Variants in HCK observed in about 807,000 individuals in gnomAD.
HCK encodes tyrosine-protein kinase HCK.
A neutral mutation model predicts 70.4 loss-of-function variants in HCK; 40 were observed. The ratio of observed to expected loss-of-function variants is 0.57; its 90% CI spans 0.44 to 0.74. HCK has a LOEUF of 0.74. Among genes scored for constraint, HCK ranks in the 30% least tolerant of loss-of-function variants. HCK has a pLI of 0.00. For missense variants in HCK, 568 were observed against 697.2 expected (o/e 0.81, Z 2.09); for synonymous variants, 245 against 263.2 (o/e 0.93, Z 0.67).
intron 6 of HCK, among the ~76,000 whole-genome samples, chr20:32,080,617 C>T (rs1295280301): frequency 6.6e-6 from 1 of 152,190 alleles, no homozygotes; most frequent in African/African-American, 2.4e-5. Flanking sequence ...TCTCAGTCTC[C>T]CGAGTAGCTG....
In HCK at chr20:32,092,242, T is replaced by C. The variant is rs368094209; in HGVS notation, c.1093-1621T>C. On this transcript the variant is annotated intron_variant, in intron 10 of 12. Coordinates refer to ENST00000375852, the MANE Select transcript of HCK (RefSeq NM_002110.5). ...TTTAGAGGCAGCAGGATGCACTGGA[T>C]TGGGAGTCCTCAGACTGGTTTGAGC... Among the ~76,000 whole-genome samples, 9 of 152,268 alleles carry C rather than the reference T, an allele frequency of 5.9e-5. No individual in the cohort carries two copies. The South Asian group carries it at 1.9e-3, about 32-fold the overall frequency.
intron 6 of HCK, among the ~76,000 whole-genome samples, chr20:32,080,241 C>CA (rs1178406161): frequency 1.3e-5 from 2 of 152,202 alleles, no homozygotes; most frequent in African/African-American, 4.8e-5. Context: ...ACTCTGTCGC[C>CA]AGGCTGGAGT....
At chr20:32,055,571 T>C (rs1264298628) in intron 1 of HCK, among the ~76,000 whole-genome samples, 2 of 152,254 alleles carry the variant, frequency 1.3e-5, no homozygotes, top group Non-Finnish European at 2.9e-5. Context: ...GGCTGCATAA[T>C]ATTCCACTGT....
rs1036309291 is a variant in HCK at position 32,068,876 on chromosome 20, C to T, written c.63-2786C>T. ...GGAGGATCACTTGATCCTGGGAGGT[C>T]GAGGTTGCAGTAAGCTATGATTACA... On this transcript the variant is annotated intron_variant, in intron 1 of 12. Coordinates refer to ENST00000375852, the MANE Select transcript of HCK (RefSeq NM_002110.5). Among the ~76,000 whole-genome samples, 3 of 151,956 alleles carry T rather than the reference C, an allele frequency of 2.0e-5. No homozygotes were observed. In the South Asian group the frequency reaches 6.2e-4, roughly 31 times the overall value.
chr20:32,057,068 G>A (rs2045283668), intron 1 of HCK, among the ~76,000 whole-genome samples: 1 of 152,144 alleles, frequency 6.6e-6, no homozygotes, highest in Non-Finnish European at 1.5e-5. Flanking sequence ...CTGGATTTCT[G>A]TCTCCTAAAA....
At chr20:32,078,875 AAAAAG>A (rs1418248197) in intron 5 of HCK, among the ~76,000 whole-genome samples, 65 of 150,940 alleles carry the variant, frequency 4.3e-4, no homozygotes, top group African/African-American at 1.6e-3. Flanking sequence ...AAAAAAAAAA[AAAAAG>A]GGGGGGAATG....
chr20:32,057,656 G>C (rs2122457382), intron 1 of HCK, among the ~76,000 whole-genome samples: 1 of 152,304 alleles, frequency 6.6e-6, no homozygotes, highest in East Asian at 1.9e-4. Context: ...CTTTCCCAAA[G>C]TCACACAGCA....
intron 4 of HCK, among the ~76,000 whole-genome samples, chr20:32,074,329 G>A (rs1456633128): frequency 6.6e-6 from 1 of 152,138 alleles, no homozygotes; most frequent in African/African-American, 2.4e-5. Flanking sequence ...CCTGCCATGG[G>A]TATAGCTAAT....
chr20:32,095,676 G>A (rs555807509), intron 11 of HCK, among the ~76,000 whole-genome samples: 1 of 152,228 alleles, frequency 6.6e-6, no homozygotes, highest in East Asian at 1.9e-4. Flanking sequence ...TGTGATGAAA[G>A]TATTCTAAAA....
intron 5 of HCK, among the ~76,000 whole-genome samples, chr20:32,076,336 C>A (rs1373311572): frequency 2.6e-5 from 4 of 151,586 alleles, no homozygotes; most frequent in African/African-American, 4.9e-5. Context: ...CAAAAAAAAA[C>A]AATTATGTCA....
chr20:32,079,337 G>A (rs2045675499), intron 5 of HCK, among the ~76,000 whole-genome samples: 1 of 152,130 alleles, frequency 6.6e-6, no homozygotes, highest in African/African-American at 2.4e-5. Context: ...TCTTCCCCGT[G>A]GTCTTGTATG....
chr20:32,062,500 G>A (rs6058523), intron 1 of HCK, among the ~76,000 whole-genome samples: 116,641 of 152,064 alleles, frequency 0.77, 44,968 homozygotes, highest in East Asian at 1. Flanking sequence ...CTCAGAGCCA[G>A]CCCTATGGCT....
chr20:32,100,730 C>T (rs1483296597), intron 12 of HCK, among the ~76,000 whole-genome samples: 1 of 152,164 alleles, frequency 6.6e-6, no homozygotes, highest in Non-Finnish European at 1.5e-5. Flanking sequence ...AATGGTCCCA[C>T]CCATAGGTTA....
chr20:32,063,893 T>G (rs1389778012), intron 1 of HCK, among the ~76,000 whole-genome samples: 1 of 151,816 alleles, frequency 6.6e-6, no homozygotes, highest in East Asian at 1.9e-4. Context: ...ATTTCTCTAT[T>G]TCTTGGGTTT....
intron 1 of HCK, among the ~76,000 whole-genome samples, chr20:32,058,714 CA>C (rs1245855508): frequency 6.6e-6 from 1 of 151,838 alleles, no homozygotes; most frequent in Admixed American, 6.6e-5. Context: ...GGCAAGGTTT[CA>C]AATGCAAATA....
intron 5 of HCK, among the ~76,000 whole-genome samples, chr20:32,077,906 CTTAAG>C (rs2045650490): frequency 6.6e-6 from 1 of 152,184 alleles, no homozygotes; most frequent in Non-Finnish European, 1.5e-5. Flanking sequence ...ACAGTGGTCA[CTTAAG>C]TTGTTTCCAG....
intron 1 of HCK, among the ~76,000 whole-genome samples, chr20:32,070,295 C>G (rs548642443): frequency 1.3e-5 from 2 of 152,298 alleles, no homozygotes; most frequent in South Asian, 4.1e-4. Context: ...CAAATTGAAT[C>G]CCATCATTCT....
intron 8 of HCK, 66 bp downstream of exon 8, chr20:32,084,609 C>A: frequency 6.9e-7 from 1 of 1,452,222 alleles, no homozygotes; most frequent in Non-Finnish European, 9.4e-7. Context: ...CACTTGCTTC[C>A]AGGAACACCT....
intron 1 of HCK, among the ~76,000 whole-genome samples, chr20:32,060,315 A>T (rs973716674): frequency 6.6e-6 from 1 of 151,966 alleles, no homozygotes; most frequent in Non-Finnish European, 1.5e-5. Context: ...CTGCCTCTTG[A>T]GTTCAAGCAA....
Sources: gnomAD v4.1 joint callset for allele counts (sites outside exome capture counted in the v4.1 genomes callset) on GRCh38, gnomAD v4.1.1 for gene constraint, MANE v1.5 for transcripts, NCBI Gene and HGNC (gene_info 2026-07-23, HGNC 2026-07-21) for gene names.